Variants in SPATA17 observed in about 807,000 individuals in gnomAD.
The protein encoded by SPATA17 is spermatogenesis associated 17, also known as spermatogenesis-associated protein 17.
A neutral mutation model predicts 62.2 loss-of-function variants in SPATA17; 53 were observed. The observed-to-expected ratio is 0.85, with a 90% confidence interval of 0.68 to 1.07. The LOEUF (loss-of-function observed/expected upper bound fraction) is 1.07, where lower values mean the gene tolerates loss of function less well. SPATA17 is among the 50% of genes least tolerant of loss of function. The pLI, the probability that SPATA17 is intolerant of heterozygous loss-of-function variation, is 0.00. For synonymous variants in SPATA17, 146 were observed against 146.8 expected, an observed-to-expected ratio of 0.99 and a Z score of 0.04; for missense variants, 466 against 425.5, an observed-to-expected ratio of 1.10 and a Z score of -0.84.
chr1:217,642,955 C>T (rs891764774), intron 1 of SPATA17, among the ~76,000 whole-genome samples: 4 of 152,108 alleles, frequency 2.6e-5, no homozygotes, highest in African/African-American at 9.7e-5. Context: ...TCCATTTTTC[C>T]AAAGAGCCTT....
intron 8 of SPATA17, among the ~76,000 whole-genome samples, chr1:217,787,727 T>C (rs1673904241): frequency 6.6e-6 from 1 of 152,040 alleles, no homozygotes; most frequent in African/African-American, 2.4e-5. Flanking sequence ...GTGCAATTAT[T>C]AAACGCTCTT....
intron 1 of SPATA17, among the ~76,000 whole-genome samples, chr1:217,633,481 C>T (rs1245375112): frequency 6.6e-6 from 1 of 151,344 alleles, no homozygotes; most frequent in East Asian, 1.9e-4. Context: ...CACAGTGGCT[C>T]AGGCCTGTAA....
At chr1:217,637,193 T>G (rs2102874539) in intron 1 of SPATA17, among the ~76,000 whole-genome samples, 1 of 152,332 alleles carries the variant, frequency 6.6e-6, no homozygotes, top group Non-Finnish European at 1.5e-5. Flanking sequence ...AAACATTATT[T>G]TATTTGATGT....
intron 9 of SPATA17, among the ~76,000 whole-genome samples, chr1:217,833,641 T>C (rs1317869947): frequency 6.6e-6 from 1 of 152,192 alleles, no homozygotes; most frequent in Non-Finnish European, 1.5e-5. Flanking sequence ...TGATTTAATA[T>C]ACAGAGTGGC....
At chr1:217,683,944 T>C in intron 5 of SPATA17, among the ~76,000 whole-genome samples, 1 of 152,168 alleles carries the variant, frequency 6.6e-6, no homozygotes, top group Non-Finnish European at 1.5e-5. Context: ...TCAGGAAAAT[T>C]GTTTCATGAT....
At chr1:217,765,309 G>T (rs1673272073) in intron 6 of SPATA17, among the ~76,000 whole-genome samples, 3 of 150,672 alleles carry the variant, frequency 2.0e-5, no homozygotes, top group South Asian at 4.2e-4. Context: ...TCTTCTGCTT[G>T]CCTTGGAATA....
At position 217,690,694 on chromosome 1, in the gene SPATA17, G is replaced by A. The variant is rs375705063; in HGVS notation, c.395+7333G>A. Among the ~76,000 whole-genome samples the A allele has an allele frequency of 2.7e-5, 3 of 109,634 alleles. No homozygotes were observed. In the East Asian group the frequency reaches 8.0e-4, roughly 29 times the overall value. The allele number at this position is 109,634 out of a possible 152,430, so 71.9% of individuals were successfully genotyped here. The stretch of plus-strand genomic sequence containing the variant: ...GTGATATTCCCCTTCCTGTGTCCAT[G>A]TGATCTCATTGTTCAATTCCCACCT... On this transcript the variant is annotated intron_variant, in intron 5 of 10. Coordinates refer to ENST00000366933, the MANE Select transcript of SPATA17 (RefSeq NM_138796.4).
At position 217,651,022 on chromosome 1, in the gene SPATA17, A is replaced by G. The variant is rs1046971367; in HGVS notation, c.159-75A>G. ...TGAATTTGAATTCTTGAATTGTAGG[A>G]GAGTATTTTAACAAAGATTTAACTG... On this transcript the variant is annotated intron_variant, in intron 2 of 10. Transcript: ENST00000366933. 1.8e-5 allele frequency: 19 copies of G among 1,079,784 alleles called. No individual in the cohort carries two copies. The East Asian group carries it at 2.9e-4, about 17-fold the overall frequency. 66.9% of individuals were successfully genotyped at this position (1,079,784 alleles called of 1,614,324 possible).
chr1:217,841,956 T>A (rs1433760950), intron 9 of SPATA17, among the ~76,000 whole-genome samples: 3 of 151,800 alleles, frequency 2.0e-5, no homozygotes, highest in African/African-American at 7.2e-5. Context: ...CAATTAAGTA[T>A]AATGTTTTAT....
chr1:217,842,719 G>T (rs940943952), intron 9 of SPATA17, among the ~76,000 whole-genome samples: 3 of 151,462 alleles, frequency 2.0e-5, no homozygotes, highest in African/African-American at 7.3e-5. Context: ...CTGAATTTTC[G>T]CTTTGTTAGT....
At chr1:217,763,010 G>T (rs1558040382) in intron 6 of SPATA17, among the ~76,000 whole-genome samples, 1 of 152,138 alleles carries the variant, frequency 6.6e-6, no homozygotes, top group African/African-American at 2.4e-5. Flanking sequence ...CTAGACAAAT[G>T]CTCAGACACA....
chr1:217,766,258 G>T (rs1673297403), intron 6 of SPATA17, among the ~76,000 whole-genome samples: 1 of 151,554 alleles, frequency 6.6e-6, no homozygotes, highest in Non-Finnish European at 1.5e-5. Context: ...TTCTTATTTT[G>T]TCTTACACTC....
At chr1:217,831,576 T>G (rs1325778670) in intron 9 of SPATA17, among the ~76,000 whole-genome samples, 1 of 152,166 alleles carries the variant, frequency 6.6e-6, no homozygotes, top group Non-Finnish European at 1.5e-5. Context: ...TCAAATCCCT[T>G]TATAAAAAGG....
chr1:217,640,263 CA>C (rs1241718354), intron 1 of SPATA17, among the ~76,000 whole-genome samples: 3 of 151,852 alleles, frequency 2.0e-5, no homozygotes, highest in African/African-American at 7.2e-5. Flanking sequence ...ATAAGCAAAT[CA>C]AAGGCATAAA....
intron 5 of SPATA17, among the ~76,000 whole-genome samples, chr1:217,737,044 A>G (rs967599254): frequency 6.6e-6 from 1 of 152,172 alleles, no homozygotes; most frequent in Non-Finnish European, 1.5e-5. Context: ...AAAAAGTCCT[A>G]TTGATAGCTA....
At chr1:217,717,100 T>A (rs1672021876) in intron 5 of SPATA17, among the ~76,000 whole-genome samples, 1 of 152,208 alleles carries the variant, frequency 6.6e-6, no homozygotes, top group African/African-American at 2.4e-5. Flanking sequence ...ATACCATAAA[T>A]AACTAGGCAC....
chr1:217,827,967 A>G (rs910519926), intron 9 of SPATA17, among the ~76,000 whole-genome samples: 71 of 152,152 alleles, frequency 4.7e-4, no homozygotes, highest in African/African-American at 1.7e-3. Flanking sequence ...TGATAGGTGC[A>G]GCAAACCACA....
chr1:217,817,677 G>A (rs1416434784), intron 9 of SPATA17, among the ~76,000 whole-genome samples: 1 of 152,016 alleles, frequency 6.6e-6, no homozygotes, highest in Non-Finnish European at 1.5e-5. Flanking sequence ...CCCTGAAATT[G>A]CAGCATAATT....
intron 9 of SPATA17, among the ~76,000 whole-genome samples, chr1:217,849,654 T>A (rs1365913914): frequency 6.6e-6 from 1 of 152,176 alleles, no homozygotes; most frequent in Non-Finnish European, 1.5e-5. Context: ...CACTTAATTT[T>A]CAGTATAGTG....
Sources: gnomAD v4.1 joint callset for allele counts (sites outside exome capture counted in the v4.1 genomes callset) on GRCh38, gnomAD v4.1.1 for gene constraint, MANE v1.5 for transcripts, NCBI Gene and HGNC (gene_info 2026-07-23, HGNC 2026-07-21) for gene names.